RAB38: variants seen among roughly 807,000 people sequenced by gnomAD.
RAB38 encodes the protein RAB38, member RAS oncogene family.
Under a neutral mutation model 18.4 loss-of-function variants are expected in RAB38, and 15 were observed. The observed-to-expected ratio is 0.82, with a 90% CI of 0.55 to 1.26. The LOEUF (loss-of-function observed/expected upper bound fraction) is 1.26. Ranked by LOEUF, RAB38 falls within the 50% of genes most tolerant of loss-of-function variation. The pLI is 0.00. For synonymous variants in RAB38, 101 were observed against 104.4 expected, an observed-to-expected ratio of 0.97 and a Z score of 0.20; for missense variants, 294 against 267.4, an observed-to-expected ratio of 1.10 and a Z score of -0.69.
At chr11:87,894,005 T>C in the RAB38 span, among the ~76,000 whole-genome samples, 5 of 151,666 alleles carry the variant, frequency 3.3e-5, no homozygotes, top group African/African-American at 1.2e-4. Context: ...TAACTTTGGG[T>C]AGTAGGGACA....
At chr11:88,142,047 T>C (rs1591166724) in intron 2 of RAB38, among the ~76,000 whole-genome samples, 1 of 148,042 alleles carries the variant, frequency 6.8e-6, no homozygotes, top group African/African-American at 2.5e-5. Context: ...GATGAGGCCA[T>C]GGTGTAGATA....
chr11:87,837,302 C>T, the RAB38 span, among the ~76,000 whole-genome samples: 5 of 152,072 alleles, frequency 3.3e-5, no homozygotes, highest in Admixed American at 6.6e-5. Context: ...TGTGTGAGCT[C>T]CATGAGGGTA....
At chr11:88,162,419 C>A (rs1382153936) in intron 1 of RAB38, among the ~76,000 whole-genome samples, 1 of 151,996 alleles carries the variant, frequency 6.6e-6, no homozygotes, top group African/African-American at 2.4e-5. Flanking sequence ...ATATGGTCCC[C>A]ATGCTGAGTG....
At chr11:88,101,305 A>G in the RAB38 span, among the ~76,000 whole-genome samples, 2 of 151,994 alleles carry the variant, frequency 1.3e-5, no homozygotes, top group Non-Finnish European at 2.9e-5. Context: ...AACTTCTAAG[A>G]ATCTATTACA....
At chr11:87,891,013 T>A in the RAB38 span, among the ~76,000 whole-genome samples, 1 of 151,870 alleles carries the variant, frequency 6.6e-6, no homozygotes, top group South Asian at 2.1e-4. Flanking sequence ...TAGGTCACAC[T>A]CTCATGAAAC....
the RAB38 span, among the ~76,000 whole-genome samples, chr11:87,936,954 C>T: frequency 6.6e-6 from 1 of 151,916 alleles, no homozygotes. Flanking sequence ...GATTTGTATG[C>T]ATTTTCATTT....
chr11:87,828,018 C>T, the RAB38 span, among the ~76,000 whole-genome samples: 1 of 152,096 alleles, frequency 6.6e-6, no homozygotes, highest in African/African-American at 2.4e-5. Flanking sequence ...AGTAATTTAC[C>T]AGTGTTGGTT....
chr11:87,972,163 A>G, the RAB38 span, among the ~76,000 whole-genome samples: 1 of 152,198 alleles, frequency 6.6e-6, no homozygotes. Flanking sequence ...ATGGCGCCAA[A>G]AATAAATGAT....
At chr11:87,977,520 T>TA in the RAB38 span, among the ~76,000 whole-genome samples, 6 of 92,444 alleles carry the variant, frequency 6.5e-5, no homozygotes, top group South Asian at 3.0e-4. Context: ...TGTAATTATA[T>TA]AGATAATATA....
chr11:88,155,459 T>G (rs752501910), intron 1 of RAB38, among the ~76,000 whole-genome samples: 1 of 149,276 alleles, frequency 6.7e-6, no homozygotes, highest in African/African-American at 2.5e-5. Flanking sequence ...AAAGACCCCA[T>G]GGAGCAGGGC....
At chr11:88,066,202 A>C in the RAB38 span, among the ~76,000 whole-genome samples, 1 of 152,226 alleles carries the variant, frequency 6.6e-6, no homozygotes, top group African/African-American at 2.4e-5. Flanking sequence ...TGCATGGCAG[A>C]CATTGGTAGG....
intron 1 of RAB38, among the ~76,000 whole-genome samples, chr11:88,160,170 GAACA>G (rs1382603869): frequency 3.3e-5 from 5 of 151,938 alleles, no homozygotes; most frequent in African/African-American, 9.7e-5. Context: ...GCAAAAACAT[GAACA>G]GACAGTTCTC....
chr11:88,114,450 T>C (rs1942520941), intron 2 of RAB38, among the ~76,000 whole-genome samples: 1 of 152,236 alleles, frequency 6.6e-6, no homozygotes, highest in Non-Finnish European at 1.5e-5. Context: ...TATAAAAATA[T>C]TGTAGAAGAA....
chr11:88,151,200 T>C (rs1165607289), intron 1 of RAB38, among the ~76,000 whole-genome samples: 4 of 152,174 alleles, frequency 2.6e-5, no homozygotes, highest in African/African-American at 9.7e-5. Context: ...TACTGCAGAG[T>C]TTTGCCATGT....
At chr11:88,084,367 A>G in the RAB38 span, among the ~76,000 whole-genome samples, 1 of 151,780 alleles carries the variant, frequency 6.6e-6, no homozygotes, top group Non-Finnish European at 1.5e-5. Context: ...AAGGGATGAA[A>G]TATAAAAGTG....
the RAB38 span, among the ~76,000 whole-genome samples, chr11:87,941,641 G>A: frequency 6.6e-6 from 1 of 151,974 alleles, no homozygotes; most frequent in Non-Finnish European, 1.5e-5. Context: ...AGAAAGGCAT[G>A]GACACTTCTG....
the RAB38 span, among the ~76,000 whole-genome samples, chr11:88,066,592 G>A: frequency 1.3e-5 from 2 of 152,192 alleles, no homozygotes; most frequent in African/African-American, 2.4e-5. Flanking sequence ...ATTAGAGGCA[G>A]TGGAGCCTAG....
intron 2 of RAB38, among the ~76,000 whole-genome samples, chr11:88,117,052 A>G (rs1942563628): frequency 6.6e-6 from 1 of 152,204 alleles, no homozygotes; most frequent in Non-Finnish European, 1.5e-5. Flanking sequence ...TAACACACCA[A>G]GTAAAGTCTA....
At chr11:87,936,428 C>A in the RAB38 span, among the ~76,000 whole-genome samples, 23 of 152,162 alleles carry the variant, frequency 1.5e-4, no homozygotes, top group East Asian at 4.4e-3. Flanking sequence ...ATTGCTTTTG[C>A]ACCTTTGTCA....
Sources: gnomAD v4.1 joint callset for allele counts (sites outside exome capture counted in the v4.1 genomes callset) on GRCh38, gnomAD v4.1.1 for gene constraint, MANE v1.5 for transcripts, NCBI Gene and HGNC (gene_info 2026-07-23, HGNC 2026-07-21) for gene names.